LAMA3: variants seen among roughly 807,000 people sequenced by gnomAD.
LAMA3 encodes laminin subunit alpha 3, also known as laminin subunit alpha-3.
A neutral mutation model predicts 402.0 loss-of-function variants in LAMA3; 281 were observed. The ratio of observed to expected loss-of-function variants is 0.70; its 90% confidence interval spans 0.63 to 0.77. LAMA3 has a LOEUF of 0.77. Ranked by LOEUF, LAMA3 falls within the 30% of genes least tolerant of loss-of-function variation. The pLI is 0.00. For missense variants in LAMA3, 3,840 were observed against 4,215.5 expected (o/e 0.91, Z 2.47); for synonymous variants, 1,431 against 1,558.4 (o/e 0.92, Z 1.93).
At chr18:23,864,385 C>T (rs1422648953) in intron 35 of LAMA3, among the ~76,000 whole-genome samples, 1 of 152,022 alleles carries the variant, frequency 6.6e-6, no homozygotes, top group East Asian at 1.9e-4. Context: ...CACCACCACA[C>T]CTGACTAATT....
At chr18:23,905,487 C>A in intron 51 of LAMA3, 35 bp from the exon 52 acceptor site, 1 of 1,134,780 alleles carries the variant, frequency 8.8e-7, no homozygotes, top group Non-Finnish European at 1.3e-6. Flanking sequence ...TAACATATAG[C>A]ATTTGTTTAA....
chr18:23,771,198 T>C (rs996227801), intron 8 of LAMA3, among the ~76,000 whole-genome samples: 5 of 152,182 alleles, frequency 3.3e-5, no homozygotes, highest in African/African-American at 9.7e-5. Flanking sequence ...CAGGCATAAC[T>C]ATAGAATGGG....
chr18:23,928,696 C>T lies in LAMA3; in HGVS notation c.8367C>T (p.Asp2789=). ...CTGATTTGGGCTTACCACCTACTGA[C>T]CACCTCCAGGCCTCATTTGGATTTC... ...SFTDLGLPPT[D]HLQASFGFQT... Residue 2789 remains aspartate (D), a synonymous_variant, in exon 64 of 75, where the codon GAC becomes GAT. Transcript: ENST00000313654. 6.2e-7 allele frequency: 1 copy of T among 1,613,528 alleles called. No individual in the cohort carries two copies. The highest frequency in any genetic ancestry group is 1.3e-5 in the African/African-American group (1 of 75,040).
intron 1 of LAMA3, among the ~76,000 whole-genome samples, chr18:23,711,984 C>T (rs1419464524): frequency 6.6e-6 from 1 of 152,122 alleles, no homozygotes; most frequent in African/African-American, 2.4e-5. Context: ...TAATTAAATT[C>T]CCTCATCAAA....
intron 60 of LAMA3, 152 bp from the exon 61 acceptor site, chr18:23,920,783 G>T (rs114809348): frequency 8.1e-6 from 7 of 865,552 alleles, no homozygotes; most frequent in African/African-American, 1.6e-5. Flanking sequence ...ATCCCATCCC[G>T]TGAGGTTGCT....
In LAMA3 at chr18:23,915,341, A is replaced by G. The variant is rs2081576416; in HGVS notation, c.7697A>G (p.Asp2566Gly). ...PPYKGCIELD[D>G]LNENVLSLYN... ...TACAAAGGTTGTATTGAATTAGATG[A>G]CCTCAATGAAAATGTTCTGAGCTTG... Residue 2566 changes from aspartate (D) to glycine (G), a missense_variant, in exon 59 of 75, where the codon GAC (aspartate) becomes GGC (glycine). Coordinates refer to ENST00000313654, the MANE Select transcript of LAMA3 (RefSeq NM_198129.4). 1 of 1,613,386 alleles carries G rather than the reference A, an allele frequency of 6.2e-7. No homozygotes were observed. The highest frequency in any genetic ancestry group is 8.5e-7 in the Non-Finnish European group (1 of 1,179,320).
intron 31 of LAMA3, among the ~76,000 whole-genome samples, chr18:23,846,745 G>GA (rs574786526): frequency 3.6e-4 from 55 of 152,346 alleles, no homozygotes; most frequent in African/African-American, 1.2e-3. Context: ...TGTTCTAGAA[G>GA]ATAAGTATTT....
At chr18:23,827,996 TC>T (rs1191686578) in intron 23 of LAMA3, among the ~76,000 whole-genome samples, 1 of 152,206 alleles carries the variant, frequency 6.6e-6, no homozygotes, top group Non-Finnish European at 1.5e-5. Context: ...TTACTTTTCT[TC>T]CAGGAGTTCT....
At position 23,928,687 on chromosome 18, in the gene LAMA3, A is replaced by C. The variant is rs2082078768; in HGVS notation, c.8358A>C (p.Pro2786=). 1 of 1,613,688 alleles carries C rather than the reference A, an allele frequency of 6.2e-7. No individual in the cohort carries two copies. Among genetic ancestry groups the C allele is most frequent in the African/African-American group, 1.3e-5 (1 of 75,050 alleles). ...GQLSFTDLGL[P]PTDHLQASFG... is the part of the protein sequence containing the mutation. ...TGAGTTTCACTGATTTGGGCTTACCACCTACTGACCACCTCCAGGCCTCAT... is the reference window on the plus strand; with the variant it reads ...TGAGTTTCACTGATTTGGGCTTACCCCCTACTGACCACCTCCAGGCCTCAT... The change falls in exon 64 of 75, where the codon CCA becomes CCC. Residue 2786 remains proline (P), a synonymous_variant. Coordinates refer to ENST00000313654, the MANE Select transcript of LAMA3 (RefSeq NM_198129.4).
At chr18:23,841,079 C>T (rs2063691471) in intron 27 of LAMA3, among the ~76,000 whole-genome samples, 3 of 152,256 alleles carry the variant, frequency 2.0e-5, no homozygotes, top group African/African-American at 7.2e-5. Context: ...TGGGAATCTA[C>T]AGGATCTGAG....
intron 38 of LAMA3, among the ~76,000 whole-genome samples, chr18:23,875,491 T>C (rs1036622354): frequency 1.3e-5 from 2 of 152,288 alleles, no homozygotes; most frequent in African/African-American, 4.8e-5. Context: ...TGAGCCTCTG[T>C]GTGTTCGGGT....
Position 23,921,649 on chromosome 18 carries a change from A to C in LAMA3, c.8177+64A>C, listed in dbSNP as rs1044469974. 1.3e-5 allele frequency: 20 copies of C among 1,559,596 alleles called. No individual in the cohort carries two copies. The African/African-American group carries it at 2.6e-4, about 20-fold the overall frequency. ...TTAGTGGTTATGATTGTGACCAAAA[A>C]AAATCTGGTCTGCCATTTTTAATTC... On this transcript the variant is annotated intron_variant, in intron 62 of 74. Coordinates refer to ENST00000313654, the MANE Select transcript of LAMA3 (RefSeq NM_198129.4).
chr18:23,814,193 C>T (rs1479593065), intron 14 of LAMA3, among the ~76,000 whole-genome samples: 1 of 152,092 alleles, frequency 6.6e-6, no homozygotes, highest in Non-Finnish European at 1.5e-5. Context: ...ACCACAAATG[C>T]GGATTACATG....
intron 41 of LAMA3, 106 bp from the exon 42 acceptor site, chr18:23,889,905 C>G: frequency 1.2e-6 from 1 of 830,166 alleles, no homozygotes; most frequent in Non-Finnish European, 2.1e-6. Flanking sequence ...GGTCTTCCAC[C>G]CATTGGGTTA....
At chr18:23,751,473 G>A (rs2061751888) in intron 5 of LAMA3, among the ~76,000 whole-genome samples, 2 of 152,134 alleles carry the variant, frequency 1.3e-5, no homozygotes, top group South Asian at 4.2e-4. Flanking sequence ...CAGTAATTCA[G>A]GGAAGCAGGT....
Position 23,766,304 on chromosome 18 carries a change from A to G in LAMA3, c.1182+2781A>G, listed in dbSNP as rs1340314783. 3.3e-5 allele frequency among the ~76,000 whole-genome samples: 5 copies of G among 152,346 alleles called. No homozygotes were observed. In the East Asian group the frequency reaches 9.6e-4, roughly 29 times the overall value. On this transcript the variant is annotated intron_variant, in intron 8 of 74. Coordinates refer to ENST00000313654, the MANE Select transcript of LAMA3 (RefSeq NM_198129.4). ...TCTTTAAAGTGCTAAAAGAAAAAAG[A>G]ACCATCATCCCAGAATTCCGTATTC...
At chr18:23,899,217 C>CTT (rs34000707) in intron 46 of LAMA3, 71 bp from the exon 47 acceptor site, 339 of 1,135,638 alleles carry the variant, frequency 3.0e-4, no homozygotes, top group Non-Finnish European at 3.7e-4. Context: ...AAGTTTCTAC[C>CTT]TTTTTTTTTT....
Position 23,846,400 on chromosome 18 carries a change from G to T in LAMA3, c.3823G>T (p.Gly1275Cys), listed in dbSNP as rs552586771. The change falls in exon 31 of 75, where the codon GGC becomes TGC. Residue 1275 changes from glycine (G) to cysteine (C), a missense_variant. Physicochemically the swap from Gly to Cys is radical, Grantham distance 159. Coordinates refer to ENST00000313654, the MANE Select transcript of LAMA3 (RefSeq NM_198129.4). ...PCECHPTGAT[G>C]PHCSPEGGQC... ...TGAGTGCCACCCCACTGGGGCCACC[G>T]GCCCTCACTGCAGCCCTGAGGGTGG... is the stretch of plus-strand genomic sequence containing the variant. 2 of 1,613,938 alleles carry T rather than the reference G, an allele frequency of 1.2e-6. No homozygotes were observed. The highest frequency in any genetic ancestry group is 1.3e-5 in the African/African-American group (1 of 74,938).
chr18:23,885,571 T>C (rs1024582428), intron 41 of LAMA3, among the ~76,000 whole-genome samples: 3 of 151,970 alleles, frequency 2.0e-5, no homozygotes, highest in Non-Finnish European at 4.4e-5. Flanking sequence ...TGGACAATTT[T>C]CATGATTAGC....
Sources: gnomAD v4.1 joint callset for allele counts (sites outside exome capture counted in the v4.1 genomes callset) on GRCh38, gnomAD v4.1.1 for gene constraint, MANE v1.5 for transcripts, NCBI Gene and HGNC (gene_info 2026-07-23, HGNC 2026-07-21) for gene names.